PKP2: variants seen among roughly 807,000 people sequenced by gnomAD.
The protein encoded by PKP2 is plakophilin 2.
A neutral mutation model predicts 83.4 loss-of-function variants in PKP2; 73 were observed. The ratio of observed to expected loss-of-function variants is 0.88; its 90% CI spans 0.72 to 1.06. The LOEUF is 1.06. PKP2 is among the 50% of genes least tolerant of loss of function. The probability of loss-of-function intolerance (pLI) is 0.00; values close to 1 mark genes in which losing one functional copy is unlikely to be tolerated. For missense variants in PKP2, 966 were observed against 1,065.4 expected (o/e 0.91, Z 1.30); for synonymous variants, 409 against 430.4 (o/e 0.95, Z 0.62).
intron 9 of PKP2, among the ~76,000 whole-genome samples, chr12:32,814,170 G>T (rs927758156): frequency 2.0e-5 from 3 of 152,026 alleles, no homozygotes; most frequent in Non-Finnish European, 1.5e-5. Context: ...AGTCACCACC[G>T]TCCAGCTCTA....
chr12:32,802,295 C>T, intron 10 of PKP2, 108 bp downstream of exon 10: 1 of 1,139,894 alleles, frequency 8.8e-7, no homozygotes, highest in Non-Finnish European at 1.3e-6. Flanking sequence ...CTACTCCTTA[C>T]TCCCATTTCC....
rs925265344 is a variant in PKP2 at position 32,825,144 on chromosome 12, A to G, written c.1557-982T>C. Among the ~76,000 whole-genome samples the G allele has an allele frequency of 2.0e-5, 3 of 151,572 alleles. No homozygotes were observed. In the East Asian group the frequency reaches 5.8e-4, roughly 29 times the overall value. On this transcript the variant is annotated intron_variant, in intron 6 of 12. Coordinates refer to ENST00000340811, the MANE Select transcript of PKP2 (RefSeq NM_001005242.3). ...TAATTGCTAAGAACTGTCCCTATAA[A>G]ATGTATCAGATCAGTTTCTTTTTTT...
chr12:32,851,923 A>T (rs1401628514), intron 4 of PKP2, among the ~76,000 whole-genome samples: 1 of 152,250 alleles, frequency 6.6e-6, no homozygotes, highest in African/African-American at 2.4e-5. Context: ...AGCGCATGCT[A>T]TTAGAGAAAG....
At chr12:32,876,129 T>C (rs1440970017) in intron 3 of PKP2, among the ~76,000 whole-genome samples, 1 of 152,036 alleles carries the variant, frequency 6.6e-6, no homozygotes, top group Non-Finnish European at 1.5e-5. Context: ...GATGAGAGAA[T>C]TTCATGGTGT....
At chr12:32,850,435 AG>A (rs1956685493) in intron 5 of PKP2, among the ~76,000 whole-genome samples, 1 of 151,894 alleles carries the variant, frequency 6.6e-6, no homozygotes, top group Non-Finnish European at 1.5e-5. Flanking sequence ...CAGGTGTGGT[AG>A]CACATGCCTG....
chr12:32,833,179 G>A (rs557444293), intron 6 of PKP2, among the ~76,000 whole-genome samples: 393 of 152,298 alleles, frequency 2.6e-3, no homozygotes, highest in Non-Finnish European at 4.6e-3. Flanking sequence ...GCAGGCAGAG[G>A]TTGCAGTGAC....
chr12:32,840,196 G>A (rs528201188), intron 6 of PKP2, among the ~76,000 whole-genome samples: 19 of 152,176 alleles, frequency 1.2e-4, no homozygotes, highest in Admixed American at 8.5e-4. Flanking sequence ...TGGACCTGTG[G>A]CCAGCTTTGA....
chr12:32,896,651 G>A lies in PKP2; in HGVS notation c.81C>T (p.Ser27=), dbSNP rs1384251523. The change falls in exon 1 of 13, where the codon AGC becomes AGT. Residue 27 remains serine (S), a synonymous_variant. Coordinates refer to ENST00000340811, the MANE Select transcript of PKP2 (RefSeq NM_001005242.3). ...CCTCGGAGGGCAGCGCCAGGCTGGAGCTGTCCAGTTGTCCCAGGATCTGCT... is the reference window on the plus strand; with the variant it reads ...CCTCGGAGGGCAGCGCCAGGCTGGAACTGTCCAGTTGTCCCAGGATCTGCT... The part of the protein sequence containing the change: ...LGQQILGQLD[S]SSLALPSEAK... The A allele has an allele frequency of 6.4e-7, 1 of 1,568,530 alleles. No individual in the cohort carries two copies. Among genetic ancestry groups the A allele is most frequent in the East Asian group, 2.3e-5 (1 of 43,006 alleles).
chr12:32,858,078 A>T lies in PKP2; in HGVS notation c.1171-7105T>A, dbSNP rs866938208. Among the ~76,000 whole-genome samples, 83 of 62,246 alleles carry T rather than the reference A, an allele frequency of 1.3e-3. 3 individuals carry two copies. The highest frequency in any genetic ancestry group is 6.2e-3 in the African/African-American group (80 of 13,006). 40.8% of individuals were successfully genotyped at this position (62,246 alleles called of 152,430 possible). ...CCCCATCTCTACAAAAAAAAAAAAA[A>T]AAAAAAATATATATATATATATATA... On this transcript the variant is annotated intron_variant, in intron 4 of 12. Coordinates refer to ENST00000340811, the MANE Select transcript of PKP2 (RefSeq NM_001005242.3).
chr12:32,810,388 C>T (rs1410849891), intron 9 of PKP2, among the ~76,000 whole-genome samples: 2 of 151,834 alleles, frequency 1.3e-5, no homozygotes, highest in African/African-American at 2.4e-5. Flanking sequence ...ATATATAATC[C>T]TTCAAAGTCA....
chr12:32,887,578 C>T (rs760522730), intron 1 of PKP2, among the ~76,000 whole-genome samples: 10 of 152,102 alleles, frequency 6.6e-5, no homozygotes, highest in Non-Finnish European at 1.0e-4. Flanking sequence ...CTCAGCCTTC[C>T]GAGTAGCTGG....
At chr12:32,822,842 G>A (rs1956395519) in intron 7 of PKP2, among the ~76,000 whole-genome samples, 1 of 152,184 alleles carries the variant, frequency 6.6e-6, no homozygotes, top group Non-Finnish European at 1.5e-5. Context: ...AGAAGTAGAG[G>A]CTGAGTCTTT....
intron 3 of PKP2, among the ~76,000 whole-genome samples, chr12:32,876,748 T>G (rs1301352290): frequency 6.6e-6 from 1 of 152,220 alleles, no homozygotes; most frequent in Non-Finnish European, 1.5e-5. Flanking sequence ...CAGGCTGGTC[T>G]TGAACTCCTA....
rs962109914 is a variant in PKP2, at chr12:32,845,608, T to C, written c.1379-4403A>G. On this transcript the variant is annotated intron_variant, in intron 5 of 12. Transcript: ENST00000340811. The stretch of plus-strand genomic sequence containing the variant: ...TTAATGACCTCTAGGACAGAAAATA[T>C]AGTAATTTAACAAATCTGCCTTAAC... Among the ~76,000 whole-genome samples the C allele has an allele frequency of 2.6e-5, 4 of 152,044 alleles. No individual in the cohort carries two copies. In the East Asian group the frequency reaches 7.7e-4, roughly 29 times the overall value.
chr12:32,859,482 A>T (rs1331716420), intron 4 of PKP2, among the ~76,000 whole-genome samples: 3 of 151,694 alleles, frequency 2.0e-5, no homozygotes, highest in Non-Finnish European at 2.9e-5. Context: ...TGTGTGACAG[A>T]GTCTCTCTCT....
At chr12:32,803,998 A>G (rs1442357041) in intron 9 of PKP2, among the ~76,000 whole-genome samples, 2 of 151,622 alleles carry the variant, frequency 1.3e-5, no homozygotes, top group Non-Finnish European at 2.9e-5. Flanking sequence ...TAAAAATATG[A>G]TATGCCATTA....
intron 4 of PKP2, among the ~76,000 whole-genome samples, chr12:32,865,763 G>C (rs1166009582): frequency 6.6e-6 from 1 of 150,982 alleles, no homozygotes. Context: ...TTCCTTTTCA[G>C]CAAAGATACA....
At chr12:32,830,410 T>C (rs1956488158) in intron 6 of PKP2, among the ~76,000 whole-genome samples, 2 of 152,240 alleles carry the variant, frequency 1.3e-5, no homozygotes, top group Admixed American at 1.3e-4. Context: ...GTCAACATTA[T>C]TTCCTGAAGG....
chr12:32,861,679 T>C (rs558437514), intron 4 of PKP2, among the ~76,000 whole-genome samples: 16 of 152,158 alleles, frequency 1.1e-4, no homozygotes, highest in Non-Finnish European at 1.9e-4. Flanking sequence ...CACAAATCTA[T>C]GAAGCTCAGT....
Sources: gnomAD v4.1 joint callset for allele counts (sites outside exome capture counted in the v4.1 genomes callset) on GRCh38, gnomAD v4.1.1 for gene constraint, MANE v1.5 for transcripts, NCBI Gene and HGNC (gene_info 2026-07-23, HGNC 2026-07-21) for gene names.